Variants in TNFRSF1B observed in about 807,000 individuals in gnomAD.
TNFRSF1B encodes TNF receptor superfamily member 1B.
A neutral mutation model predicts 44.6 loss-of-function variants in TNFRSF1B; 19 were observed. The ratio of observed to expected loss-of-function variants is 0.43; its 90% confidence interval spans 0.30 to 0.62. The LOEUF (loss-of-function observed/expected upper bound fraction) is 0.62. Among genes scored for constraint, TNFRSF1B ranks in the 20% least tolerant of loss-of-function variants. TNFRSF1B has a pLI of 0.16. For synonymous variants in TNFRSF1B, 252 were observed against 261.1 expected, an observed-to-expected ratio of 0.97 and a Z score of 0.34; for missense variants, 541 against 619.9, an observed-to-expected ratio of 0.87 and a Z score of 1.35.
intron 1 of TNFRSF1B, among the ~76,000 whole-genome samples, chr1:12,181,586 T>C (rs956778019): frequency 6.6e-6 from 1 of 152,160 alleles, no homozygotes; most frequent in Non-Finnish European, 1.5e-5. Flanking sequence ...CCTCTCCATA[T>C]GCACATAGAC....
chr1:12,177,636 G>T lies in TNFRSF1B; in HGVS notation c.78+10467G>T, dbSNP rs547417639. Among the ~76,000 whole-genome samples the T allele has an allele frequency of 6.6e-6, 1 of 152,104 alleles. No individual in the cohort carries two copies. The highest frequency in any genetic ancestry group is 1.5e-5 in the Non-Finnish European group (1 of 68,016). ...TTCCCCTAGGGGCGGGCAGATGCTG[G>T]CAGGGCACAGAGAGCCGAGGGCTAA... On this transcript the variant is annotated intron_variant, in intron 1 of 9. Coordinates refer to ENST00000376259, the MANE Select transcript of TNFRSF1B (RefSeq NM_001066.3). This position sits in a 1 kb window ranked among gnomAD's most constrained non-coding sequence, Gnocchi z 4.3.
At chr1:12,181,095 G>A (rs1638792748) in intron 1 of TNFRSF1B, among the ~76,000 whole-genome samples, 1 of 152,172 alleles carries the variant, frequency 6.6e-6, no homozygotes, top group Non-Finnish European at 1.5e-5. Flanking sequence ...CGGGCCTGGT[G>A]CCAGCCTGGG....
chr1:12,194,378 A>G (rs933990122), intron 7 of TNFRSF1B, among the ~76,000 whole-genome samples: 7 of 151,914 alleles, frequency 4.6e-5, no homozygotes, highest in Admixed American at 3.3e-4. Context: ...GGAGGCGCGG[A>G]TGGTATAGAT....
At position 12,183,748 on chromosome 1, in the gene TNFRSF1B, T is replaced by TCTATCTATCTATCTATCTAG. The variant is rs1279334157; in HGVS notation, c.79-5045_79-5044insTCTATCTATCTATCTAGCTA. Among the ~76,000 whole-genome samples, 854 of 116,994 alleles carry TCTATCTATCTATCTATCTAG rather than the reference T, an allele frequency of 7.3e-3. 32 individuals carry two copies. Among genetic ancestry groups the TCTATCTATCTATCTATCTAG allele is most frequent in the East Asian group, 0.013 (51 of 4,014 alleles). The allele number at this position is 116,994 out of a possible 152,430, so 76.8% of individuals were successfully genotyped here. A position where few individuals can be genotyped will look rare whatever the true frequency, so the allele number is the denominator to read the frequency against. On this transcript the variant is annotated intron_variant, in intron 1 of 9. Transcript: ENST00000376259. ...ATCTATCTATCTATCTATCTATCTA[T>TCTATCTATCTATCTATCTAG]CTAGCTAGCTAGCTAGCTAGCTATC...
At chr1:12,202,317 TAA>T (rs1461821610) in intron 9 of TNFRSF1B, 146 bp downstream of exon 9, 4 of 1,305,600 alleles carry the variant, frequency 3.1e-6, no homozygotes. Context: ...TCGCTGAACC[TAA>T]GTTCCCTCCC....
At chr1:12,201,908 G>A in intron 8 of TNFRSF1B, 59 bp from the exon 9 acceptor site, 7 of 1,520,304 alleles carry the variant, frequency 4.6e-6, no homozygotes, top group Non-Finnish European at 6.2e-6. Flanking sequence ...AAGGAAGAGG[G>A]GAAGAAAGAG....
At position 12,177,046 on chromosome 1, in the gene TNFRSF1B, AGGCT is replaced by A. The variant is rs1638674995; in HGVS notation, c.78+9880_78+9883del. Among the ~76,000 whole-genome samples, 2 of 151,676 alleles carry A rather than the reference AGGCT, an allele frequency of 1.3e-5. No individual in the cohort carries two copies. The highest frequency in any genetic ancestry group is 1.3e-4 in the Admixed American group (2 of 15,240). On this transcript the variant is annotated intron_variant, in intron 1 of 9. Transcript: ENST00000376259. The surrounding 1 kb of genome is among the most constrained non-coding windows in gnomAD (Gnocchi z 4.3). ...AGATGGAGTCTTGCTCTTGTTGCCTAGGCTGGAGTGCAGTGGTGTGATCTTGGCT... is the reference window on the plus strand; with the variant it reads ...AGATGGAGTCTTGCTCTTGTTGCCTAGGAGTGCAGTGGTGTGATCTTGGCT...
intron 6 of TNFRSF1B, 55 bp downstream of exon 6, chr1:12,193,153 C>T (rs767529430): frequency 6.8e-7 from 1 of 1,467,234 alleles, no homozygotes; most frequent in East Asian, 2.4e-5. Context: ...GTCTTTCTGT[C>T]TCTCTTTCTT....
chr1:12,175,434 A>C (rs1638633274), intron 1 of TNFRSF1B, among the ~76,000 whole-genome samples: 1 of 152,068 alleles, frequency 6.6e-6, no homozygotes, highest in South Asian at 2.1e-4. Flanking sequence ...CCAGCTGTGG[A>C]CTTGATTGTG....
In TNFRSF1B at chr1:12,177,297, G is replaced by A. The variant is rs1638682411; in HGVS notation, c.78+10128G>A. Among the ~76,000 whole-genome samples, 3 of 152,144 alleles carry A rather than the reference G, an allele frequency of 2.0e-5. No homozygotes were observed. Among genetic ancestry groups the A allele is most frequent in the Admixed American group, 6.5e-5 (1 of 15,290 alleles). On this transcript the variant is annotated intron_variant, in intron 1 of 9. Transcript: ENST00000376259. This position sits in a 1 kb window ranked among gnomAD's most constrained non-coding sequence, Gnocchi z 4.3. ...GCTGGGATTACAGGCGGGAGCCACC[G>A]TGCCCGGCCCCAGTGGACTGATTCT...
rs1638590812 is a variant in TNFRSF1B, at chr1:12,174,160, T to TTCTCCTTCTC, written c.78+6991_78+6992insTCTCCTTCTC. 1.5e-4 allele frequency among the ~76,000 whole-genome samples: 10 copies of TTCTCCTTCTC among 67,918 alleles called. 1 individual carries two copies. The highest frequency in any genetic ancestry group is 6.3e-3 in the Middle Eastern group (1 of 160). The allele number at this position is 67,918 out of a possible 152,430, so 44.6% of individuals were successfully genotyped here. A position where few individuals can be genotyped will look rare whatever the true frequency, so the allele number is the denominator to read the frequency against. ...TTCTTCTTCTTCTTCTTCTTCTTCT[T>TTCTCCTTCTC]CTTCTCCTTCTCCTTCTCCTTCTCC... is the stretch of plus-strand genomic sequence containing the variant. On this transcript the variant is annotated intron_variant, in intron 1 of 9. Coordinates refer to ENST00000376259, the MANE Select transcript of TNFRSF1B (RefSeq NM_001066.3).
intron 8 of TNFRSF1B, among the ~76,000 whole-genome samples, chr1:12,196,722 C>T (rs2101115723): frequency 6.6e-6 from 1 of 152,334 alleles, no homozygotes; most frequent in African/African-American, 2.4e-5. Context: ...GAAATTTTCT[C>T]ATTCCCCGGC....
intron 1 of TNFRSF1B, among the ~76,000 whole-genome samples, chr1:12,179,629 C>T (rs1638746139): frequency 6.6e-6 from 1 of 152,174 alleles, no homozygotes; most frequent in East Asian, 1.9e-4. Flanking sequence ...ACAGTGTGTT[C>T]ACAGAAGAGT....
Position 12,192,951 on chromosome 1 carries a change from G to A in TNFRSF1B, c.640G>A (p.Val214Ile). ...CACCCGGAGTATGGCCCCAGGGGCA[G>A]TACACTTACCCCAGCCAGTGTCCAC... ...SPTRSMAPGA[V>I]HLPQPVSTRS... Residue 214 changes from valine (V) to isoleucine (I), a missense_variant, in exon 6 of 10, where the codon GTA becomes ATA. Transcript: ENST00000376259. 1.9e-6 allele frequency: 3 copies of A among 1,614,164 alleles called. No individual in the cohort carries two copies. Among genetic ancestry groups the A allele is most frequent in the East Asian group, 2.2e-5 (1 of 44,878 alleles).
chr1:12,202,208 C>CTCCTTGG (rs1639409358), intron 9 of TNFRSF1B, 37 bp downstream of exon 9: 3 of 1,533,676 alleles, frequency 2.0e-6, no homozygotes, highest in Non-Finnish European at 2.6e-6. Context: ...CTTCCCAAGC[C>CTCCTTGG]TCCTTGGTCT....
At position 12,207,418 on chromosome 1, in the gene TNFRSF1B, G is replaced by A; in HGVS notation, c.*398G>A. On this transcript the variant is annotated 3_prime_UTR_variant, in exon 10 of 10. Transcript: ENST00000376259. ...CCCCCTGGGCTCTGCCCCAGCTCTGGCTTCCAGAAAACCCCAGCATCCTTT... is the reference window on the plus strand; with the variant it reads ...CCCCCTGGGCTCTGCCCCAGCTCTGACTTCCAGAAAACCCCAGCATCCTTT... 1 of 186,424 alleles carries A rather than the reference G, an allele frequency of 5.4e-6. No individual in the cohort carries two copies. Among genetic ancestry groups the A allele is most frequent in the Non-Finnish European group, 1.1e-5 (1 of 91,094 alleles). The allele number at this position is 186,424 out of a possible 1,614,324, so 11.5% of individuals were successfully genotyped here. A position where few individuals can be genotyped will look rare whatever the true frequency, so the allele number is the denominator to read the frequency against.
Position 12,201,944 on chromosome 1 carries a change from C to T in TNFRSF1B, c.901-23C>T, listed in dbSNP as rs5746052. 1.6e-3 allele frequency: 2,454 copies of T among 1,580,892 alleles called. 38 individuals are homozygous for T. In the East Asian group the frequency reaches 0.036, roughly 23 times the overall value. On this transcript the variant is annotated intron_variant, in intron 8 of 9. Transcript: ENST00000376259. ...CTGGCTGGTGGGCTGACTGCTCTCC[C>T]CTACCACCCCCTGCCCATCCAGCCT... is the stretch of plus-strand genomic sequence containing the variant.
intron 8 of TNFRSF1B, among the ~76,000 whole-genome samples, chr1:12,197,540 GGGAGCATCATCACCCCCATTTTA>G (rs554592828): frequency 0.022 from 3,402 of 152,318 alleles, 49 homozygotes; most frequent in Non-Finnish European, 0.035. Flanking sequence ...CTGTGGGGCA[GGGAGCATCATCACCCCCATTTTA>G]CAGAGGAGGA....
chr1:12,173,698 G>A (rs973571723), intron 1 of TNFRSF1B, among the ~76,000 whole-genome samples: 3 of 152,198 alleles, frequency 2.0e-5, no homozygotes, highest in South Asian at 2.1e-4. Flanking sequence ...CTTTGTCGCT[G>A]GTAATGGGTG....
Sources: allele counts gnomAD v4.1 joint callset (sites outside exome capture counted in the v4.1 genomes callset), GRCh38; gene constraint gnomAD v4.1.1; non-coding constraint Gnocchi (gnomAD v3.1); transcripts MANE v1.5; gene names NCBI Gene and HGNC (gene_info 2026-07-23, HGNC 2026-07-21).